AFMID: variants seen among roughly 807,000 people sequenced by gnomAD.
AFMID encodes the protein arylformamidase, also known as kynurenine formamidase.
In AFMID, 39 loss-of-function variants were observed where a neutral mutation model predicts 47.5. The observed-to-expected ratio is 0.82, with a 90% CI of 0.64 to 1.07. The LOEUF (loss-of-function observed/expected upper bound fraction) is 1.07, where lower values mean the gene tolerates loss of function less well. Among genes scored for constraint, AFMID ranks in the 50% least tolerant of loss-of-function variants. The pLI, the probability that AFMID is intolerant of heterozygous loss-of-function variation, is 0.00. For missense variants in AFMID, 375 were observed against 387.5 expected (o/e 0.97, Z 0.27); for synonymous variants, 130 against 153.2 (o/e 0.85, Z 1.12).
intron 2 of AFMID, among the ~76,000 whole-genome samples, chr17:78,195,566 G>T (rs1466721792): frequency 6.9e-6 from 1 of 144,006 alleles, no homozygotes; most frequent in African/African-American, 2.6e-5. Flanking sequence ...GCAATGGCGC[G>T]ATCTCAGCTC....
In AFMID at chr17:78,205,445, T is replaced by A; in HGVS notation, c.571T>A (p.Phe191Ile). 2.5e-6 allele frequency: 4 copies of A among 1,614,220 alleles called. No individual in the cohort carries two copies. The South Asian group carries it at 4.4e-5, about 18-fold the overall frequency. Residue 191 changes from phenylalanine to isoleucine, a missense_variant, in exon 8 of 11, where the codon TTC becomes ATC. Phe to Ile is a conservative substitution (Grantham distance 21, BLOSUM62 0). Transcript: ENST00000409257. ...ACAATTCTGTACCTTCACAGGCTTT[T>A]TCCTGGTGAGTGGGGTCTTTGACCT... is the stretch of plus-strand genomic sequence containing the variant. ...HGVTPNLRGF[F>I]LVSGVFDLEP... is the part of the protein sequence containing the mutation.
At chr17:78,201,749 G>T (rs542322190) in intron 2 of AFMID, among the ~76,000 whole-genome samples, 10 of 149,924 alleles carry the variant, frequency 6.7e-5, no homozygotes, top group African/African-American at 2.2e-4. Flanking sequence ...TTTTTTTTTT[G>T]AGTTGGCGTC....
chr17:78,191,339 C>G (rs1482103950), intron 2 of AFMID, among the ~76,000 whole-genome samples: 1 of 152,148 alleles, frequency 6.6e-6, no homozygotes, highest in African/African-American at 2.4e-5. Flanking sequence ...GCCCGTAAGG[C>G]TGCGGGCTGT....
Position 78,202,655 on chromosome 17 carries a change from G to A in AFMID, c.260-48G>A, listed in dbSNP as rs772615995. ...CGGGGCTTGGGGGTCCAGTGGCAGA[G>A]CTCAGCAGGGCGGGCCTTGCTCACA... On this transcript the variant is annotated intron_variant, in intron 3 of 10. Transcript: ENST00000409257. 3.2e-6 allele frequency: 5 copies of A among 1,576,364 alleles called. No individual in the cohort carries two copies. The African/African-American group carries it at 5.4e-5, about 17-fold the overall frequency.
chr17:78,196,245 A>G (rs1406670508), intron 2 of AFMID, among the ~76,000 whole-genome samples: 1 of 152,160 alleles, frequency 6.6e-6, no homozygotes, highest in Admixed American at 6.6e-5. Context: ...TGCGCCTATA[A>G]TCTCAGCTAC....
intron 2 of AFMID, among the ~76,000 whole-genome samples, chr17:78,193,495 A>G (rs2076030182): frequency 6.6e-6 from 1 of 151,362 alleles, no homozygotes; most frequent in South Asian, 2.1e-4. Context: ...AGCACGCACT[A>G]TTGAAACTTC....
chr17:78,197,227 A>C, intron 2 of AFMID: 1 of 1,550,372 alleles, frequency 6.5e-7, no homozygotes, highest in South Asian at 1.2e-5. Context: ...TTGTCTTCAC[A>C]CTGTGCTGGG....
At chr17:78,205,332 C>T (rs978759434) in intron 7 of AFMID, 108 bp from the exon 8 acceptor site, 4 of 1,447,512 alleles carry the variant, frequency 2.8e-6, no homozygotes, top group Non-Finnish European at 3.9e-6. Context: ...CCTTCTCTGC[C>T]TCCTCTGTGC....
Position 78,202,620 on chromosome 17 carries a change from CTGGGGGTCCCGGGGCT to C in AFMID, c.259+27_259+42del, listed in dbSNP as rs545761326. On this transcript the variant is annotated intron_variant, in intron 3 of 10. Transcript: ENST00000409257. Reference sequence around the variant, plus strand: ...CGTCTGAAGGTTGTCGGTGAAGGGGCTGGGGGTCCCGGGGCTTGGGGGTCCAGTGGCAGAGCTCAGC... The same window carrying C: ...CGTCTGAAGGTTGTCGGTGAAGGGGCTGGGGGTCCAGTGGCAGAGCTCAGC... The C allele has an allele frequency of 2.8e-5, 42 of 1,525,998 alleles. No individual in the cohort carries two copies. The highest frequency in any genetic ancestry group is 3.7e-5 in the Non-Finnish European group (41 of 1,103,104). The allele number at this position is 1,525,998 out of a possible 1,614,324, so 94.5% of individuals were successfully genotyped here.
chr17:78,207,230 CAG>C lies in AFMID; in HGVS notation c.*296_*297del, dbSNP rs993610341. On this transcript the variant is annotated 3_prime_UTR_variant, in exon 11 of 11. Transcript: ENST00000409257. ...CTCGTCTGGCCCATCTACCTGCTGA[CAG>C]AGCATGACAAAGATGACGCTCAAAA... 1 of 365,784 alleles carries C rather than the reference CAG, an allele frequency of 2.7e-6. No individual in the cohort carries two copies. The highest frequency in any genetic ancestry group is 2.2e-5 in the African/African-American group (1 of 45,010). 22.7% of individuals were successfully genotyped at this position (365,784 alleles called of 1,614,324 possible). A position where few individuals can be genotyped will look rare whatever the true frequency, so the allele number is the denominator to read the frequency against.
chr17:78,188,417 G>T (rs2075861440), intron 1 of AFMID, among the ~76,000 whole-genome samples: 1 of 152,086 alleles, frequency 6.6e-6, no homozygotes, highest in South Asian at 2.1e-4. Context: ...CTTGTGATTT[G>T]GATACATGCC....
Position 78,202,762 on chromosome 17 carries a change from G to A in AFMID, c.308+11G>A. 2 of 1,554,434 alleles carry A rather than the reference G, an allele frequency of 1.3e-6. No individual in the cohort carries two copies. The highest frequency in any genetic ancestry group is 1.7e-6 in the Non-Finnish European group (2 of 1,148,694). Reference sequence around the variant, plus strand: ...CTGGCAGAGCGGAAGGTGAGTCGGGGGATGTGGATGGTGGACTGCAAGAGA... The same window carrying A: ...CTGGCAGAGCGGAAGGTGAGTCGGGAGATGTGGATGGTGGACTGCAAGAGA... On this transcript the variant is annotated intron_variant, in intron 4 of 10. Transcript: ENST00000409257.
chr17:78,202,768 G>A lies in AFMID; in HGVS notation c.308+17G>A, dbSNP rs1313315997. The A allele has an allele frequency of 1.3e-6, 2 of 1,553,738 alleles. No individual in the cohort carries two copies. The highest frequency in any genetic ancestry group is 2.4e-5 in the South Asian group (2 of 84,210). ...GAGCGGAAGGTGAGTCGGGGGATGT[G>A]GATGGTGGACTGCAAGAGAGATTCC... is the stretch of plus-strand genomic sequence containing the variant. On this transcript the variant is annotated intron_variant, in intron 4 of 10. Coordinates refer to ENST00000409257, the MANE Select transcript of AFMID (RefSeq NM_001010982.5).
At chr17:78,191,134 TGGG>T in intron 2 of AFMID, 74 bp downstream of exon 2, 9 of 1,359,210 alleles carry the variant, frequency 6.6e-6, no homozygotes, top group Non-Finnish European at 9.3e-6. Flanking sequence ...TGCTGGGGGT[TGGG>T]GGGGCTGTGC....
chr17:78,192,043 G>A (rs2145848285), intron 2 of AFMID, among the ~76,000 whole-genome samples: 1 of 151,866 alleles, frequency 6.6e-6, no homozygotes, highest in East Asian at 1.9e-4. Flanking sequence ...TTGTTGCCCA[G>A]GCTGGAGTGC....
chr17:78,192,541 C>G, intron 2 of AFMID: 1 of 443,938 alleles, frequency 2.3e-6, no homozygotes, highest in South Asian at 1.6e-5. Flanking sequence ...CTCAAACTCC[C>G]GACCTCAGGT....
chr17:78,204,845 G>T lies in AFMID; in HGVS notation c.412G>T (p.Val138Leu). ...CTGTGCAGGCACCCTGGACCACATG[G>T]TAGACCAGGTGACCCGCAGCGTTGC... is the stretch of plus-strand genomic sequence containing the variant. ...IAPKGTLDHM[V>L]DQVTRSVAFV... Residue 138 changes from valine to leucine, a missense_variant, in exon 6 of 11, where the codon GTA becomes TTA. Coordinates refer to ENST00000409257, the MANE Select transcript of AFMID (RefSeq NM_001010982.5). 1 of 1,614,216 alleles carries T rather than the reference G, an allele frequency of 6.2e-7. No homozygotes were observed. The highest frequency in any genetic ancestry group is 8.5e-7 in the Non-Finnish European group (1 of 1,180,044).
At chr17:78,205,028 G>T in intron 6 of AFMID, 65 bp from the exon 7 acceptor site, 1 of 1,564,054 alleles carries the variant, frequency 6.4e-7, no homozygotes, top group South Asian at 1.1e-5. Context: ...GGGACTCTTC[G>T]AAGGGGGCCT....
At position 78,191,201 on chromosome 17, in the gene AFMID, C is replaced by G. The variant is rs1364850563; in HGVS notation, c.154+141C>G. Reference sequence around the variant, plus strand: ...CCCAAACACCAGGCACTTTATAAACCTCCCTGCTCAGGGGCAGGTGCCCAG... The same window carrying G: ...CCCAAACACCAGGCACTTTATAAACGTCCCTGCTCAGGGGCAGGTGCCCAG... On this transcript the variant is annotated intron_variant, in intron 2 of 10. Transcript: ENST00000409257. The G allele has an allele frequency of 8.4e-6, 6 of 714,988 alleles. No individual in the cohort carries two copies. In the Admixed American group the frequency reaches 1.4e-4, roughly 17 times the overall value. The allele number at this position is 714,988 out of a possible 1,614,324, so 44.3% of individuals were successfully genotyped here. A position where few individuals can be genotyped will look rare whatever the true frequency, so the allele number is the denominator to read the frequency against.
Sources: gnomAD v4.1 joint callset for allele counts (sites outside exome capture counted in the v4.1 genomes callset) on GRCh38, gnomAD v4.1.1 for gene constraint, MANE v1.5 for transcripts, NCBI Gene and HGNC (gene_info 2026-07-23, HGNC 2026-07-21) for gene names.